The following PLAG1 variants were observed in gnomAD, a reference collection of about 807,000 sequenced individuals.
The protein encoded by PLAG1 is PLAG1 zinc finger, also known as zinc finger protein PLAG1.
A neutral mutation model predicts 35.5 loss-of-function variants in PLAG1; 7 were observed. The observed-to-expected ratio is 0.20, with a 90% CI of 0.11 to 0.37. The LOEUF (loss-of-function observed/expected upper bound fraction) is 0.37, where lower values mean the gene tolerates loss of function less well. Ranked by LOEUF, PLAG1 falls within the 10% of genes least tolerant of loss-of-function variation. The probability of loss-of-function intolerance (pLI) is 1.00; values close to 1 mark genes in which losing one functional copy is unlikely to be tolerated. For missense variants in PLAG1, 454 were observed against 602.8 expected (o/e 0.75, Z 2.58); for synonymous variants, 229 against 225.4 (o/e 1.02, Z -0.14).
intron 1 of PLAG1, among the ~76,000 whole-genome samples, chr8:56,196,395 T>C (rs1015339997): frequency 4.6e-5 from 7 of 152,138 alleles, no homozygotes; most frequent in Admixed American, 2.0e-4. Flanking sequence ...TATATGAGTG[T>C]GTGATGCCTC....
At position 56,165,468 on chromosome 8, in the gene PLAG1, A is replaced by G. The variant is rs1292563496; in HGVS notation, c.*775T>C. ...GAAGACCCCAATGCCATACACTATT[A>G]CTATTATTAAATGAAAAGATAGCAT... On this transcript the variant is annotated 3_prime_UTR_variant, in exon 5 of 5. Coordinates refer to ENST00000316981, the MANE Select transcript of PLAG1 (RefSeq NM_002655.3). 9.3e-6 allele frequency: 2 copies of G among 213,904 alleles called. No individual in the cohort carries two copies. The highest frequency in any genetic ancestry group is 4.5e-5 in the African/African-American group (2 of 44,230). 13.3% of individuals were successfully genotyped at this position (213,904 alleles called of 1,614,324 possible).
At chr8:56,190,641 ACT>A (rs1363939828) in intron 1 of PLAG1, among the ~76,000 whole-genome samples, 1 of 152,122 alleles carries the variant, frequency 6.6e-6, no homozygotes, top group African/African-American at 2.4e-5. Context: ...GTGAGCTGTC[ACT>A]GTTTTATTTT....
rs147266574 is a variant in PLAG1, at chr8:56,196,493, G to T, written c.-322+14628C>A. Among the ~76,000 whole-genome samples the T allele has an allele frequency of 3.3e-5, 5 of 152,256 alleles. No homozygotes were observed. The East Asian group carries it at 9.7e-4, about 29-fold the overall frequency. On this transcript the variant is annotated intron_variant, in intron 1 of 4. Transcript: ENST00000316981. ...ATGGGTGACCTGAGGAGGATAGGAA[G>T]AGTTCAGGTACTTTCAGGGGCCAAG...
At chr8:56,191,389 C>T (rs557903311) in intron 1 of PLAG1, among the ~76,000 whole-genome samples, 1 of 152,106 alleles carries the variant, frequency 6.6e-6, no homozygotes, top group Non-Finnish European at 1.5e-5. Context: ...AGGCAGAGGA[C>T]GCGAGCCTGT....
intron 1 of PLAG1, among the ~76,000 whole-genome samples, chr8:56,196,460 G>C (rs1378231272): frequency 6.6e-6 from 1 of 152,150 alleles, no homozygotes; most frequent in Non-Finnish European, 1.5e-5. Flanking sequence ...GTGACCTTCT[G>C]TCTGGATATG....
intron 3 of PLAG1, among the ~76,000 whole-genome samples, chr8:56,170,107 A>C (rs1166707268): frequency 6.6e-6 from 1 of 152,238 alleles, no homozygotes; most frequent in Non-Finnish European, 1.5e-5. Context: ...AAACAGGCAA[A>C]ATACAGCAAT....
At chr8:56,210,772 G>A (rs1302203902) in intron 1 of PLAG1, among the ~76,000 whole-genome samples, 1 of 149,126 alleles carries the variant, frequency 6.7e-6, no homozygotes, top group East Asian at 2.0e-4. Flanking sequence ...CACCAGAGAG[G>A]AGGAGGAGGA....
chr8:56,200,923 A>G (rs1170482129), intron 1 of PLAG1, among the ~76,000 whole-genome samples: 1 of 152,230 alleles, frequency 6.6e-6, no homozygotes, highest in African/African-American at 2.4e-5. Context: ...AGAGAAGTTT[A>G]AAAAATTTTT....
intron 2 of PLAG1, among the ~76,000 whole-genome samples, chr8:56,176,461 G>T (rs1051592108): frequency 6.6e-6 from 1 of 152,026 alleles, no homozygotes; most frequent in African/African-American, 2.4e-5. Flanking sequence ...AAAATAAAAA[G>T]ACTTAAAAAT....
At position 56,166,355 on chromosome 8, in the gene PLAG1, T is replaced by C. The variant is rs747864315; in HGVS notation, c.1391A>G (p.Gln464Arg). 2 of 1,613,958 alleles carry C rather than the reference T, an allele frequency of 1.2e-6. No homozygotes were observed. The highest frequency in any genetic ancestry group is 3.3e-5 in the Admixed American group (2 of 60,014). ...SQLPPQTQDLQDPANTIGLGS... is the reference protein window; with the variant it reads ...SQLPPQTQDLRDPANTIGLGS... The stretch of plus-strand genomic sequence containing the variant: ...AAGCCCTATAGTGTTTGCAGGATCC[T>C]GAAGATCCTGTGTTTGTGGGGGGAG... The change falls in exon 5 of 5, where the codon CAG (glutamine) becomes CGG (arginine). Residue 464 changes from glutamine (Q) to arginine (R), a missense_variant. By Grantham distance (43) the Gln-to-Arg change is conservative. Coordinates refer to ENST00000316981, the MANE Select transcript of PLAG1 (RefSeq NM_002655.3).
At position 56,168,134 on chromosome 8, in the gene PLAG1, C is replaced by G; in HGVS notation, c.136G>C (p.Val46Leu). ...TAGGAGTGAACCTTTAATTTCTCAA[C>G]ACTGTTAAAGGCCTTGTCACACAGT... ...CQLCDKAFNSVEKLKVHSYSH... is the reference protein window; with the variant it reads ...CQLCDKAFNSLEKLKVHSYSH... Residue 46 changes from valine (V) to leucine (L), a missense_variant, in exon 4 of 5, where the codon GTT (valine) becomes CTT (leucine). Transcript: ENST00000316981. 6.2e-7 allele frequency: 1 copy of G among 1,612,894 alleles called. No individual in the cohort carries two copies. The highest frequency in any genetic ancestry group is 1.1e-5 in the South Asian group (1 of 91,054).
intron 1 of PLAG1, among the ~76,000 whole-genome samples, chr8:56,195,350 T>C (rs964458031): frequency 1.3e-5 from 2 of 152,188 alleles, no homozygotes; most frequent in Non-Finnish European, 2.9e-5. Context: ...ATAAATGGCA[T>C]CACTATGTGT....
intron 1 of PLAG1, among the ~76,000 whole-genome samples, chr8:56,191,876 C>G (rs1293525491): frequency 1.3e-5 from 2 of 150,948 alleles, no homozygotes; most frequent in Admixed American, 1.3e-4. Context: ...CACTACAAAT[C>G]TACACATATC....
In PLAG1 at chr8:56,179,508, G is replaced by C. The variant is rs1384813669; in HGVS notation, c.-316C>G. 1.1e-6 allele frequency: 1 copy of C among 940,592 alleles called. No individual in the cohort carries two copies. Among genetic ancestry groups the C allele is most frequent in the African/African-American group, 1.8e-5 (1 of 56,262 alleles). 58.3% of individuals were successfully genotyped at this position (940,592 alleles called of 1,614,324 possible). On this transcript the variant is annotated 5_prime_UTR_variant, in exon 2 of 5. Transcript: ENST00000316981. ...AAATACGGCCAAGGCAGCACCAAGA[G>C]GCAACCTAAAAAGAAAAGAAGAGTT...
chr8:56,198,416 A>G (rs1332222094), intron 1 of PLAG1, among the ~76,000 whole-genome samples: 1 of 152,168 alleles, frequency 6.6e-6, no homozygotes, highest in African/African-American at 2.4e-5. Context: ...TGACGGGAGC[A>G]CCCAGGTCCT....
At chr8:56,210,768 AGAGGAGGAG>A (rs527954259) in intron 1 of PLAG1, among the ~76,000 whole-genome samples, 3 of 149,412 alleles carry the variant, frequency 2.0e-5, no homozygotes, top group Middle Eastern at 3.5e-3. Flanking sequence ...ACAGCACCAG[AGAGGAGGAG>A]GAGGAGGAGG....
intron 3 of PLAG1, among the ~76,000 whole-genome samples, chr8:56,170,399 ATAT>A (rs1811492412): frequency 6.6e-6 from 1 of 152,212 alleles, no homozygotes; most frequent in Non-Finnish European, 1.5e-5. Context: ...TCCCTTGGAA[ATAT>A]CTAAACAGCT....
intron 1 of PLAG1, among the ~76,000 whole-genome samples, chr8:56,198,118 A>G (rs1812438254): frequency 1.3e-5 from 2 of 152,120 alleles, no homozygotes; most frequent in South Asian, 4.1e-4. Context: ...TCCCTTCACC[A>G]CAATCAAACC....
At chr8:56,205,578 A>C (rs1393024416) in intron 1 of PLAG1, among the ~76,000 whole-genome samples, 1 of 151,888 alleles carries the variant, frequency 6.6e-6, no homozygotes, top group Non-Finnish European at 1.5e-5. Flanking sequence ...CATAAGATGA[A>C]TTTTTAATTT....
Sources: gnomAD v4.1 joint callset for allele counts (sites outside exome capture counted in the v4.1 genomes callset) on GRCh38, gnomAD v4.1.1 for gene constraint, MANE v1.5 for transcripts, NCBI Gene and HGNC (gene_info 2026-07-23, HGNC 2026-07-21) for gene names.